SHMT2: variants seen among roughly 807,000 people sequenced by gnomAD.
SHMT2 encodes serine hydroxymethyltransferase, mitochondrial.
Under a neutral mutation model 59.6 loss-of-function variants are expected in SHMT2, and 38 were observed. That is an observed-to-expected ratio of 0.64 (90% CI 0.49 to 0.84). The LOEUF is 0.84. SHMT2 is among the 40% of genes least tolerant of loss of function. The pLI is 0.00. For missense variants in SHMT2, 533 were observed against 659.5 expected (o/e 0.81, Z 2.10); for synonymous variants, 254 against 258.1 (o/e 0.98, Z 0.15).
At chr12:57,232,101 G>A (rs1277318124) in intron 4 of SHMT2, 110 bp from the exon 5 acceptor site, 11 of 1,167,006 alleles carry the variant, frequency 9.4e-6, no homozygotes, top group South Asian at 5.0e-5. Flanking sequence ...GCAGTGAGGC[G>A]GTGTGTCCTA....
At chr12:57,232,616 G>T (rs772117225) in intron 6 of SHMT2, 41 bp downstream of exon 6, 62 of 1,613,190 alleles carry the variant, frequency 3.8e-5, no homozygotes, top group Non-Finnish European at 5.2e-5. Flanking sequence ...TCCCCAGGGG[G>T]TGGTGAGGAG....
Position 57,232,723 on chromosome 12 carries a change from C to G in SHMT2, c.737C>G (p.Ala246Gly), listed in dbSNP as rs758392212. ...RMREVCDEVK[A>G]HLLADMAHIS... ...GCCCAGGTGTGTGATGAAGTCAAAG[C>G]ACACCTGCTGGCAGACATGGCCCAC... is the stretch of plus-strand genomic sequence containing the variant. The change falls in exon 7 of 12, where the codon GCA becomes GGA. Residue 246 changes from alanine to glycine, a missense_variant. Physicochemically the swap from Ala to Gly is moderately conservative, Grantham distance 60. Coordinates refer to ENST00000328923, the MANE Select transcript of SHMT2 (RefSeq NM_005412.6). 1 of 1,609,624 alleles carries G rather than the reference C, an allele frequency of 6.2e-7. No individual in the cohort carries two copies.
chr12:57,234,367 C>T lies in SHMT2; in HGVS notation c.*6C>T, dbSNP rs761489843. On this transcript the variant is annotated 3_prime_UTR_variant, in exon 12 of 12. Coordinates refer to ENST00000328923, the MANE Select transcript of SHMT2 (RefSeq NM_005412.6). ...CTGGTTTTGATGAGCATTGAAGGCA[C>T]CTGGGAAATGAGGCCCACAGACTCA... The T allele has an allele frequency of 1.3e-5, 20 of 1,575,268 alleles. No individual in the cohort carries two copies. The highest frequency in any genetic ancestry group is 1.7e-4 in the Middle Eastern group (1 of 5,884).
intron 2 of SHMT2, 41 bp from the exon 3 acceptor site, chr12:57,231,440 A>G: frequency 6.3e-7 from 1 of 1,599,264 alleles, no homozygotes; most frequent in Non-Finnish European, 8.6e-7. Flanking sequence ...GTCCAGGGGA[A>G]GGGGCTCAAT....
Position 57,234,628 on chromosome 12 carries a change from T to G in SHMT2, c.*267T>G. On this transcript the variant is annotated 3_prime_UTR_variant, in exon 12 of 12. Coordinates refer to ENST00000328923, the MANE Select transcript of SHMT2 (RefSeq NM_005412.6). The stretch of plus-strand genomic sequence containing the variant: ...ATCACAGTGTCAGAGACGCGTCCTC[T>G]TTCTTGGGGAAGTTGAGGAGTGCCC... The G allele has an allele frequency of 3.6e-6, 1 of 281,390 alleles. No individual in the cohort carries two copies. The highest frequency in any genetic ancestry group is 6.6e-6 in the Non-Finnish European group (1 of 151,584). The allele number at this position is 281,390 out of a possible 1,614,324, so 17.4% of individuals were successfully genotyped here.
chr12:57,233,611 G>T lies in SHMT2; in HGVS notation c.1072G>T (p.Ala358Ser). 2 of 1,614,138 alleles carry T rather than the reference G, an allele frequency of 1.2e-6. No homozygotes were observed. Among genetic ancestry groups the T allele is most frequent in the Non-Finnish European group, 1.7e-6 (2 of 1,179,968 alleles). ...REYSLQVLKN[A>S]RAMADALLER... ...GTACTCCCTGCAGGTTCTGAAGAAT[G>T]CTCGGGCCATGGCAGATGCCCTGCT... Residue 358 changes from alanine (A) to serine (S), a missense_variant, in exon 9 of 12, where the codon GCT (alanine) becomes TCT (serine). Physicochemically the swap from Ala to Ser is moderately conservative, Grantham distance 99 (BLOSUM62 1). Transcript: ENST00000328923.
chr12:57,230,849 A>C lies in SHMT2; in HGVS notation c.80A>C (p.Gln27Pro). The C allele has an allele frequency of 6.2e-7, 1 of 1,614,162 alleles. No individual in the cohort carries two copies. The highest frequency in any genetic ancestry group is 1.1e-5 in the South Asian group (1 of 91,086). Residue 27 changes from glutamine (Q) to proline (P), a missense_variant, in exon 2 of 12, where the codon CAG becomes CCG. Gln to Pro is a moderately conservative substitution (Grantham distance 76). Transcript: ENST00000328923. ...CTGGTCAGGATGGCCATTCGGGCTC[A>C]GCACAGCAACGCAGCCCAGACTCAG... ...GQLVRMAIRAQHSNAAQTQTG... is the reference protein window; with the variant it reads ...GQLVRMAIRAPHSNAAQTQTG...
At chr12:57,230,443 A>G (rs1260141546) in intron 1 of SHMT2, 4 of 1,179,456 alleles carry the variant, frequency 3.4e-6, no homozygotes, top group Admixed American at 4.2e-5. Context: ...GGTGCCCTGC[A>G]GGAAGACCCT....
chr12:57,231,890 G>A lies in SHMT2; in HGVS notation c.489G>A (p.Gly163=). The change falls in exon 4 of 12, where the codon GGG becomes GGA. Residue 163 remains glycine, a synonymous_variant. Transcript: ENST00000328923. ...ALLQPHDRIM[G]LDLPDGGHLT... is the part of the protein sequence containing the mutation. ...TGCAACCTCACGACCGGATCATGGG[G>A]CTGGACCTGCCCGATGGGGGCCAGT... is the stretch of plus-strand genomic sequence containing the variant. The A allele has an allele frequency of 6.2e-7, 1 of 1,611,804 alleles. No individual in the cohort carries two copies. Among genetic ancestry groups the A allele is most frequent in the Non-Finnish European group, 8.5e-7 (1 of 1,178,914 alleles).
rs2037349851 is a variant in SHMT2 at position 57,232,222 on chromosome 12, G to A, written c.524G>A (p.Gly175Asp). The change falls in exon 5 of 12, where the codon GGC (glycine) becomes GAC (aspartate). Residue 175 changes from glycine (G) to aspartate (D), a missense_variant. By Grantham distance (94) the Gly-to-Asp change is moderately conservative. Transcript: ENST00000328923. ...CTCTCACTTCGCAGTCTCACCCACG[G>A]CTACATGTCTGACGTCAAGCGGATA... ...DLPDGGHLTH[G>D]YMSDVKRISA... The A allele has an allele frequency of 1.2e-6, 2 of 1,614,042 alleles. No individual in the cohort carries two copies. The highest frequency in any genetic ancestry group is 1.7e-6 in the Non-Finnish European group (2 of 1,180,016).
intron 1 of SHMT2, chr12:57,230,212 G>A: frequency 1.6e-6 from 2 of 1,270,040 alleles, no homozygotes; most frequent in Admixed American, 2.7e-5. Context: ...CAGGGGTCCC[G>A]GCGGCAGTGA....
At position 57,232,512 on chromosome 12, in the gene SHMT2, A is replaced by G. The variant is rs1488649604; in HGVS notation, c.654A>G (p.Pro218=). Residue 218 remains proline (P), a synonymous_variant, in exon 6 of 12, where the codon CCA becomes CCG. Transcript: ENST00000328923. The stretch of plus-strand genomic sequence containing the variant: ...CACTGACTGCTCGACTTTTCCGGCC[A>G]CGGCTCATCATAGCTGGCACCAGCG... ...QLALTARLFR[P]RLIIAGTSAY... is the part of the protein sequence containing the mutation. The G allele has an allele frequency of 3.1e-6, 5 of 1,614,098 alleles. No homozygotes were observed. The highest frequency in any genetic ancestry group is 3.4e-6 in the Non-Finnish European group (4 of 1,180,042).
At chr12:57,230,392 C>T in intron 1 of SHMT2, 1 of 1,147,790 alleles carries the variant, frequency 8.7e-7, no homozygotes, top group Non-Finnish European at 1.1e-6. Context: ...CAGCCCTTGC[C>T]AACTCTGCCT....
chr12:57,232,511 C>G lies in SHMT2; in HGVS notation c.653C>G (p.Pro218Arg), dbSNP rs1260078285. 1 of 1,614,104 alleles carries G rather than the reference C, an allele frequency of 6.2e-7. No homozygotes were observed. Among genetic ancestry groups the G allele is most frequent in the African/African-American group, 1.3e-5 (1 of 74,930 alleles). Residue 218 changes from proline (P) to arginine (R), a missense_variant, in exon 6 of 12, where the codon CCA becomes CGA. Physicochemically the swap from Pro to Arg is moderately radical, Grantham distance 103. Transcript: ENST00000328923. ...QLALTARLFR[P>R]RLIIAGTSAY... ...GCACTGACTGCTCGACTTTTCCGGCCACGGCTCATCATAGCTGGCACCAGC... is the reference window on the plus strand; with the variant it reads ...GCACTGACTGCTCGACTTTTCCGGCGACGGCTCATCATAGCTGGCACCAGC...
chr12:57,232,076 C>A lies in SHMT2; in HGVS notation c.513-135C>A. On this transcript the variant is annotated intron_variant, in intron 4 of 11. Transcript: ENST00000328923. Reference sequence around the variant, plus strand: ...ATAAGATCCCAGTTATAGTGCCTACCACAGAGTGGACAGAGCAGTGAGGCG... The same window carrying A: ...ATAAGATCCCAGTTATAGTGCCTACAACAGAGTGGACAGAGCAGTGAGGCG... 4 of 1,129,094 alleles carry A rather than the reference C, an allele frequency of 3.5e-6. No individual in the cohort carries two copies. In the South Asian group the frequency reaches 5.3e-5, roughly 15 times the overall value. 69.9% of individuals were successfully genotyped at this position (1,129,094 alleles called of 1,614,324 possible). A position where few individuals can be genotyped will look rare whatever the true frequency, so the allele number is the denominator to read the frequency against.
chr12:57,234,088 C>T lies in SHMT2; in HGVS notation c.1365C>T (p.Gly455=). ...VDFIDEGVNI[G]LEVKSKTAKL... is the part of the protein sequence containing the mutation. ...TTATAGATGAAGGGGTCAACATTGGCTTAGAGGTGAAGAGCAAGACTGGTG... is the reference window on the plus strand; with the variant it reads ...TTATAGATGAAGGGGTCAACATTGGTTTAGAGGTGAAGAGCAAGACTGGTG... Residue 455 remains glycine, a synonymous_variant, in exon 11 of 12, where the codon GGC becomes GGT. Coordinates refer to ENST00000328923, the MANE Select transcript of SHMT2 (RefSeq NM_005412.6). The T allele has an allele frequency of 1.2e-6, 2 of 1,614,190 alleles. No individual in the cohort carries two copies. The highest frequency in any genetic ancestry group is 1.7e-6 in the Non-Finnish European group (2 of 1,180,030).
chr12:57,234,281 A>C lies in SHMT2; in HGVS notation c.1435A>C (p.Ser479Arg). Residue 479 changes from serine (S) to arginine (R), a missense_variant, in exon 12 of 12, where the codon AGT becomes CGT. Coordinates refer to ENST00000328923, the MANE Select transcript of SHMT2 (RefSeq NM_005412.6). ...KSFLLKDSET[S>R]QRLANLRQRV... ...CTTCCTGCTTAAGGACTCAGAAACA[A>C]GTCAGCGTCTGGCCAACCTCAGGCA... The C allele has an allele frequency of 1.2e-6, 2 of 1,613,832 alleles. No individual in the cohort carries two copies. The highest frequency in any genetic ancestry group is 1.7e-6 in the Non-Finnish European group (2 of 1,179,850).
Position 57,232,243 on chromosome 12 carries a change from G to T in SHMT2, c.545G>T (p.Arg182Leu), listed in dbSNP as rs1235979303. 2 of 1,614,032 alleles carry T rather than the reference G, an allele frequency of 1.2e-6. No individual in the cohort carries two copies. The highest frequency in any genetic ancestry group is 1.7e-6 in the Non-Finnish European group (2 of 1,180,020). Residue 182 changes from arginine to leucine, a missense_variant, in exon 5 of 12, where the codon CGG becomes CTG. Coordinates refer to ENST00000328923, the MANE Select transcript of SHMT2 (RefSeq NM_005412.6). ...LTHGYMSDVK[R>L]ISATSIFFES... ...CACGGCTACATGTCTGACGTCAAGC[G>T]GATATCAGCCACGTCCATCTTCTTC...
chr12:57,231,343 C>T, intron 2 of SHMT2, 138 bp from the exon 3 acceptor site: 1 of 908,696 alleles, frequency 1.1e-6, no homozygotes, highest in South Asian at 1.7e-5. Context: ...TCTGGCTTTG[C>T]CCCAGGCCTG....
Sources: allele counts gnomAD v4.1 joint callset, GRCh38; gene constraint gnomAD v4.1.1; transcripts MANE v1.5; gene names NCBI Gene and HGNC (gene_info 2026-07-23, HGNC 2026-07-21).